ELL: variants seen among roughly 807,000 people sequenced by gnomAD.
ELL encodes elongation factor for RNA polymerase II, also known as RNA polymerase II elongation factor ELL.
A neutral mutation model predicts 64.0 loss-of-function variants in ELL; 18 were observed. The ratio of observed to expected loss-of-function variants is 0.28; its 90% confidence interval spans 0.19 to 0.42. The LOEUF (loss-of-function observed/expected upper bound fraction) is 0.42, where lower values mean the gene tolerates loss of function less well. Ranked by LOEUF, ELL falls within the 10% of genes least tolerant of loss-of-function variation. The pLI is 1.00. For synonymous variants in ELL, 399 were observed against 376.2 expected (o/e 1.06, Z -0.70); for missense variants, 797 against 870.4 (o/e 0.92, Z 1.06).
rs1363015877 is a variant in ELL at position 18,501,971 on chromosome 19, G to A, written c.135+19950C>T. ...GCGGGCAGGTCCTGGGGCCTCATGAGGGTGGTTTGGGGTCAGAAGACACAC... is the reference window on the plus strand; with the variant it reads ...GCGGGCAGGTCCTGGGGCCTCATGAAGGTGGTTTGGGGTCAGAAGACACAC... On this transcript the variant is annotated intron_variant, in intron 1 of 11. Transcript: ENST00000262809. The surrounding 1 kb of genome is among the most constrained non-coding windows in gnomAD (Gnocchi z 4.5). 6.6e-6 allele frequency among the ~76,000 whole-genome samples: 1 copy of A among 152,172 alleles called. No homozygotes were observed. The highest frequency in any genetic ancestry group is 1.5e-5 in the Non-Finnish European group (1 of 68,042).
At chr19:18,478,735 G>T (rs754593360) in intron 1 of ELL, among the ~76,000 whole-genome samples, 1 of 152,118 alleles carries the variant, frequency 6.6e-6, no homozygotes, top group Non-Finnish European at 1.5e-5. Flanking sequence ...GACCCAACTG[G>T]ACTTCAGACC....
chr19:18,512,263 T>G (rs1254261495), intron 1 of ELL, among the ~76,000 whole-genome samples: 1 of 151,978 alleles, frequency 6.6e-6, no homozygotes, highest in Non-Finnish European at 1.5e-5. Flanking sequence ...ATGTTGAGGC[T>G]GCAGTGAGCT....
chr19:18,478,230 C>T (rs1975220023), intron 1 of ELL, among the ~76,000 whole-genome samples: 1 of 152,212 alleles, frequency 6.6e-6, no homozygotes, highest in Non-Finnish European at 1.5e-5. Flanking sequence ...GGGGGCCAAG[C>T]GCCTCGTTAC....
chr19:18,516,359 A>T (rs1468447190), intron 1 of ELL, among the ~76,000 whole-genome samples: 1 of 152,172 alleles, frequency 6.6e-6, no homozygotes, highest in African/African-American at 2.4e-5. Context: ...CCCTTCCCCC[A>T]GCAGACTGCA....
rs1362478624 is a variant in ELL at position 18,509,592 on chromosome 19, CGCACAT to C, written c.135+12323_135+12328del. 8.1e-3 allele frequency among the ~76,000 whole-genome samples: 621 copies of C among 76,422 alleles called. 10 individuals are homozygous for C. Among genetic ancestry groups the C allele is most frequent in the South Asian group, 0.015 (38 of 2,508 alleles). 50.1% of individuals were successfully genotyped at this position (76,422 alleles called of 152,430 possible). ...ACAGGCCAATGCACGTGCGCGCGCG[CGCACAT>C]ACACACACACACACACACACACACA... On this transcript the variant is annotated intron_variant, in intron 1 of 11. Transcript: ENST00000262809.
chr19:18,470,109 G>C (rs1340727047), intron 2 of ELL, among the ~76,000 whole-genome samples: 1 of 152,264 alleles, frequency 6.6e-6, no homozygotes, highest in African/African-American at 2.4e-5. Context: ...CTGAGGTCAG[G>C]AGTTCGAGAC....
chr19:18,486,551 C>T (rs983425315), intron 1 of ELL, among the ~76,000 whole-genome samples: 7 of 152,180 alleles, frequency 4.6e-5, no homozygotes, highest in Admixed American at 3.3e-4. Flanking sequence ...CTCAGAGACC[C>T]AGGCGGTTCT....
chr19:18,447,717 C>A (rs1313658704), intron 8 of ELL, among the ~76,000 whole-genome samples: 1 of 152,170 alleles, frequency 6.6e-6, no homozygotes, highest in Non-Finnish European at 1.5e-5. Flanking sequence ...GTTTTCTAGA[C>A]CTTCTTGCAG....
rs1600418993 is a variant in ELL, at chr19:18,446,622, C to T, written c.1532+126G>A. 8.0e-6 allele frequency: 12 copies of T among 1,492,764 alleles called. No homozygotes were observed. In the South Asian group the frequency reaches 1.3e-4, roughly 17 times the overall value. The allele number at this position is 1,492,764 out of a possible 1,614,324, so 92.5% of individuals were successfully genotyped here. A position where few individuals can be genotyped will look rare whatever the true frequency, so the allele number is the denominator to read the frequency against. On this transcript the variant is annotated intron_variant, in intron 9 of 11. Coordinates refer to ENST00000262809, the MANE Select transcript of ELL (RefSeq NM_006532.4). ...AGGGGGCCTGGCCCAGAAGAGGCTGCTATGTTTGGAATTCACATACTCAGA... is the reference window on the plus strand; with the variant it reads ...AGGGGGCCTGGCCCAGAAGAGGCTGTTATGTTTGGAATTCACATACTCAGA...
At chr19:18,467,924 C>G (rs931675570) in intron 2 of ELL, among the ~76,000 whole-genome samples, 6 of 142,960 alleles carry the variant, frequency 4.2e-5, no homozygotes, top group Non-Finnish European at 6.1e-5. Context: ...CACACACAAC[C>G]ATACACACAC....
At chr19:18,468,439 T>A (rs1055827573) in intron 2 of ELL, among the ~76,000 whole-genome samples, 3 of 152,196 alleles carry the variant, frequency 2.0e-5, no homozygotes, top group Non-Finnish European at 4.4e-5. Context: ...CAGATGTGAC[T>A]TTTATTCTCG....
At chr19:18,503,082 C>A (rs1975814513) in intron 1 of ELL, among the ~76,000 whole-genome samples, 1 of 152,250 alleles carries the variant, frequency 6.6e-6, no homozygotes, top group Non-Finnish European at 1.5e-5. Flanking sequence ...CACTTTACAG[C>A]TGGTTTAATG....
chr19:18,489,120 G>A (rs112580334), intron 1 of ELL, among the ~76,000 whole-genome samples: 1,622 of 152,276 alleles, frequency 0.011, 14 homozygotes, highest in African/African-American at 0.021. Flanking sequence ...AAATAAAAGC[G>A]CCCAATTTCG....
chr19:18,459,144 G>A (rs10410957), intron 5 of ELL, among the ~76,000 whole-genome samples: 1,528 of 152,308 alleles, frequency 0.01, 26 homozygotes, highest in African/African-American at 0.034. Flanking sequence ...CTCCCAAAGT[G>A]CTGGAAACAG....
chr19:18,486,470 C>T (rs1975419695), intron 1 of ELL, among the ~76,000 whole-genome samples: 1 of 152,084 alleles, frequency 6.6e-6, no homozygotes, highest in Non-Finnish European at 1.5e-5. Context: ...AAGGCACACA[C>T]TCAGGACCCA....
At chr19:18,503,826 G>A (rs952909337) in intron 1 of ELL, among the ~76,000 whole-genome samples, 5 of 152,136 alleles carry the variant, frequency 3.3e-5, no homozygotes, top group African/African-American at 1.2e-4. Context: ...GCTGGATGAG[G>A]GCCCACGGGA....
intron 4 of ELL, among the ~76,000 whole-genome samples, chr19:18,464,096 C>G (rs544741406): frequency 5.9e-5 from 9 of 152,230 alleles, no homozygotes; most frequent in Admixed American, 5.9e-4. Flanking sequence ...GGGCCAGGTG[C>G]GCTGACTCAT....
At chr19:18,466,335 A>G (rs1402337740) in intron 2 of ELL, among the ~76,000 whole-genome samples, 3 of 152,210 alleles carry the variant, frequency 2.0e-5, no homozygotes, top group Non-Finnish European at 4.4e-5. Context: ...AAATGCAACA[A>G]GAGGGGCTTG....
chr19:18,519,449 G>A lies in ELL; in HGVS notation c.135+2472C>T, dbSNP rs113121204. 3.8e-3 allele frequency among the ~76,000 whole-genome samples: 574 copies of A among 152,264 alleles called. 2 individuals carry two copies. Among genetic ancestry groups the A allele is most frequent in the African/African-American group, 0.012 (479 of 41,562 alleles). On this transcript the variant is annotated intron_variant, in intron 1 of 11. Transcript: ENST00000262809. ...CACTACCCAAAACCACAGAGAGCAC[G>A]GAGCTGCCGTGCCTTAGAAAAGTCC...
Sources: gnomAD v4.1 joint callset for allele counts (sites outside exome capture counted in the v4.1 genomes callset) on GRCh38, gnomAD v4.1.1 for gene constraint, Gnocchi (gnomAD v3.1) non-coding constraint, MANE v1.5 for transcripts, NCBI Gene and HGNC (gene_info 2026-07-23, HGNC 2026-07-21) for gene names.